Variants in PRH1 observed in about 807,000 individuals in gnomAD.
PRH1 encodes proline rich protein HaeIII subfamily 1.
A neutral mutation model predicts 7.9 loss-of-function variants in PRH1; 7 were observed. That is an observed-to-expected ratio of 0.89 (90% CI 0.50 to 1.67). PRH1 has a LOEUF of 1.67. Ranked by LOEUF, PRH1 falls within the 40% of genes most tolerant of loss-of-function variation. PRH1 has a pLI of 0.00. For synonymous variants in PRH1, 45 were observed against 80.8 expected (o/e 0.56, Z 2.38); for missense variants, 109 against 223.6 (o/e 0.49, Z 3.27).
At chr12:11,091,612 G>C (rs773733000) in intron 1 of PRH1, 3 of 1,298,244 alleles carry the variant, frequency 2.3e-6, no homozygotes, top group East Asian at 4.6e-5. Context: ...GCATCTTCTT[G>C]AGATGTTTAC....
At chr12:10,896,139 G>A (rs973528917) in intron 2 of PRH1, among the ~76,000 whole-genome samples, 1 of 152,116 alleles carries the variant, frequency 6.6e-6, no homozygotes, top group Non-Finnish European at 1.5e-5. Context: ...ATTGACTCTG[G>A]TTGTATTTTA....
chr12:11,095,968 A>G lies in PRH1; in HGVS notation n.124-48780T>C, dbSNP rs1272038248. On this transcript the variant is annotated intron_variant and non_coding_transcript_variant, in intron 1 of 4. Transcript: ENST00000541977. ...TTGAAAATCAGCTTGTCGTTTAGAC[A>G]GTTATTCCCTTTAACATAATCTATC... is the stretch of plus-strand genomic sequence containing the variant. Among the ~76,000 whole-genome samples, 4 of 113,836 alleles carry G rather than the reference A, an allele frequency of 3.5e-5. 2 individuals carry two copies. Among genetic ancestry groups the G allele is most frequent in the Non-Finnish European group, 8.3e-5 (4 of 48,358 alleles). 74.7% of individuals were successfully genotyped at this position (113,836 alleles called of 152,430 possible). A position where few individuals can be genotyped will look rare whatever the true frequency, so the allele number is the denominator to read the frequency against.
At chr12:11,122,113 C>A (rs1945927921) in intron 1 of PRH1, among the ~76,000 whole-genome samples, 1 of 150,526 alleles carries the variant, frequency 6.6e-6, no homozygotes, top group Non-Finnish European at 1.5e-5. Flanking sequence ...CGTGTGCACT[C>A]CTGTAACTTG....
chr12:10,986,980 T>A, intron 1 of PRH1: 1 of 679,832 alleles, frequency 1.5e-6, no homozygotes, highest in Non-Finnish European at 2.3e-6. Flanking sequence ...ACATTCTTTT[T>A]ACTTTTAAAC....
intron 1 of PRH1, among the ~76,000 whole-genome samples, chr12:11,066,426 T>C (rs1184775657): frequency 6.6e-6 from 1 of 152,006 alleles, no homozygotes; most frequent in Non-Finnish European, 1.5e-5. Context: ...GAAACAAAGA[T>C]TAGTTTAAGC....
At chr12:10,923,128 C>CTT (rs773305258) in intron 2 of PRH1, among the ~76,000 whole-genome samples, 50 of 137,356 alleles carry the variant, frequency 3.6e-4, no homozygotes, top group African/African-American at 1.3e-3. Context: ...GCGCCCGGCC[C>CTT]TTTTTTTTTT....
intron 1 of PRH1, among the ~76,000 whole-genome samples, chr12:11,000,723 T>C (rs376586879): frequency 6.6e-6 from 1 of 152,156 alleles, no homozygotes; most frequent in East Asian, 1.9e-4. Context: ...CAATGCCTCT[T>C]ATCCTCTTAG....
chr12:11,065,041 T>C (rs899589910), intron 1 of PRH1, among the ~76,000 whole-genome samples: 7 of 152,056 alleles, frequency 4.6e-5, no homozygotes, highest in Admixed American at 1.3e-4. Flanking sequence ...CAACTCCACA[T>C]AGAATAATAC....
intron 1 of PRH1, among the ~76,000 whole-genome samples, chr12:10,989,052 C>T (rs1370232441): frequency 2.0e-5 from 3 of 152,182 alleles, no homozygotes; most frequent in South Asian, 2.1e-4. Flanking sequence ...AGGTGATCCA[C>T]CCGCCTCGGC....
chr12:11,017,316 A>G (rs1941340954), intron 1 of PRH1, among the ~76,000 whole-genome samples: 1 of 152,176 alleles, frequency 6.6e-6, no homozygotes, highest in African/African-American at 2.4e-5. Flanking sequence ...TTGGTACAAT[A>G]ACCAGGAAAT....
chr12:11,042,867 G>A lies in PRH1; in HGVS notation c.-126+4153C>T, dbSNP rs1444119136. ...GATGGTCTTGATCTCCTGACCTCGT[G>A]ATCCACCGAACTCAGCCTCCCAAAG... On this transcript the variant is annotated intron_variant, in intron 1 of 3. Coordinates refer to the PRH1 transcript ENST00000539853. 4.0e-5 allele frequency among the ~76,000 whole-genome samples: 6 copies of A among 151,830 alleles called. No homozygotes were observed. The East Asian group carries it at 7.7e-4, about 20-fold the overall frequency.
intron 1 of PRH1, among the ~76,000 whole-genome samples, chr12:11,011,716 T>C (rs1270832527): frequency 1.3e-5 from 2 of 152,116 alleles, no homozygotes; most frequent in East Asian, 3.9e-4. Flanking sequence ...CAAAGTTTTC[T>C]TATTAAAAGA....
chr12:11,083,596 A>G (rs953244436), intron 1 of PRH1, among the ~76,000 whole-genome samples: 5 of 152,056 alleles, frequency 3.3e-5, no homozygotes, highest in Non-Finnish European at 7.4e-5. Context: ...TATAGCATTA[A>G]GAGTCATGAT....
chr12:11,160,621 C>T (rs1213395343), intron 1 of PRH1, among the ~76,000 whole-genome samples: 17 of 152,108 alleles, frequency 1.1e-4, no homozygotes, highest in Admixed American at 1.1e-3. Context: ...TAGGCGAGCA[C>T]CACCACGCCC....
chr12:11,021,562 A>C (rs1237357622), intron 1 of PRH1: 1 of 797,956 alleles, frequency 1.3e-6, no homozygotes, highest in Non-Finnish European at 1.8e-6. Context: ...CACTATGGAA[A>C]AACTGATAGA....
intron 1 of PRH1, among the ~76,000 whole-genome samples, chr12:11,145,947 T>A (rs1378322003): frequency 6.6e-6 from 1 of 152,166 alleles, no homozygotes; most frequent in African/African-American, 2.4e-5. Context: ...TTTTTGCATA[T>A]CTGTAATCAT....
At chr12:11,018,492 G>A (rs1941410533) in intron 1 of PRH1, among the ~76,000 whole-genome samples, 1 of 148,530 alleles carries the variant, frequency 6.7e-6, no homozygotes, top group Non-Finnish European at 1.5e-5. Flanking sequence ...CCTTCCACCT[G>A]GGACTTGAAT....
At chr12:11,077,619 C>T in intron 1 of PRH1, 1 of 1,301,138 alleles carries the variant, frequency 7.7e-7, no homozygotes, top group Non-Finnish European at 1.1e-6. Context: ...GGAGCTGCAT[C>T]TTCTTGAGAT....
intron 2 of PRH1, among the ~76,000 whole-genome samples, chr12:10,939,917 G>A (rs550738791): frequency 9.9e-5 from 15 of 152,116 alleles, no homozygotes; most frequent in African/African-American, 3.4e-4. Context: ...ACGTTAATTA[G>A]TTTCATTTAA....
Sources: allele counts gnomAD v4.1 joint callset (sites outside exome capture counted in the v4.1 genomes callset), GRCh38; gene constraint gnomAD v4.1.1; transcripts MANE v1.5; gene names NCBI Gene and HGNC (gene_info 2026-07-23, HGNC 2026-07-21).